Variants in CLEC2B observed in about 807,000 individuals in gnomAD.
CLEC2B encodes C-type (calcium dependent, carbohydrate-recognition domain) lectin, superfamily member 2 (activation-induced).
Under a neutral mutation model 16.2 loss-of-function variants are expected in CLEC2B, and 14 were observed. The ratio of observed to expected loss-of-function variants is 0.86; its 90% CI spans 0.57 to 1.35. The LOEUF (loss-of-function observed/expected upper bound fraction) is 1.35, where lower values mean the gene tolerates loss of function less well. Among genes scored for constraint, CLEC2B ranks in the 40% most tolerant of loss-of-function variants. CLEC2B has a pLI of 0.00. For synonymous variants in CLEC2B, 42 were observed against 55.8 expected (o/e 0.75, Z 1.10); for missense variants, 166 against 182.3 (o/e 0.91, Z 0.52).
chr12:9,858,711 T>G (rs995033662), intron 2 of CLEC2B, among the ~76,000 whole-genome samples: 7 of 151,906 alleles, frequency 4.6e-5, no homozygotes, highest in African/African-American at 1.7e-4. Flanking sequence ...TATATAGGTA[T>G]GTGTACATAT....
rs770427068 is a variant in CLEC2B at position 9,853,361 on chromosome 12, C to T, written c.389G>A (p.Gly130Asp). 6.8e-5 allele frequency: 110 copies of T among 1,613,960 alleles called. No individual in the cohort carries two copies. The highest frequency in any genetic ancestry group is 8.6e-5 in the Non-Finnish European group (102 of 1,179,986). ...GGTGTAACATCTAGCTGTTGCTGCA[C>T]CATCATCGCTGAGGTAGGCACATCC... ...SEGCAYLSDD[G>D]AATARCYTER... Residue 130 changes from glycine to aspartate, a missense_variant, in exon 5 of 5, where the codon GGT (glycine) becomes GAT (aspartate). Physicochemically the swap from Gly to Asp is moderately conservative, Grantham distance 94. Transcript: ENST00000228438.
At chr12:9,859,774 T>TA (rs1388721294) in intron 2 of CLEC2B, among the ~76,000 whole-genome samples, 3 of 151,830 alleles carry the variant, frequency 2.0e-5, no homozygotes, top group Non-Finnish European at 4.4e-5. Flanking sequence ...AGATCTTTTA[T>TA]GAAGACGTAG....
rs1867865620 is a variant in CLEC2B, at chr12:9,853,287, C to T, written c.*13G>A. The T allele has an allele frequency of 1.9e-6, 3 of 1,548,492 alleles. No homozygotes were observed. The highest frequency in any genetic ancestry group is 1.1e-5 in the South Asian group (1 of 89,652). On this transcript the variant is annotated 3_prime_UTR_variant, in exon 5 of 5. Transcript: ENST00000228438. Reference sequence around the variant, plus strand: ...TGTTATTTTCTATTTTCCCCATTATCTTAGACATTAACTTAGTGTATTCTT... The same window carrying T: ...TGTTATTTTCTATTTTCCCCATTATTTTAGACATTAACTTAGTGTATTCTT...
At chr12:9,862,632 AG>A in intron 1 of CLEC2B, 59 bp from the exon 2 acceptor site, 1 of 1,328,768 alleles carries the variant, frequency 7.5e-7, no homozygotes, top group Non-Finnish European at 9.8e-7. Context: ...ATGGCATAAA[AG>A]TAAGTTGGCT....
At chr12:9,865,638 G>A (rs533873357) in intron 1 of CLEC2B, among the ~76,000 whole-genome samples, 2 of 152,250 alleles carry the variant, frequency 1.3e-5, no homozygotes, top group Non-Finnish European at 2.9e-5. Flanking sequence ...GAATATTGGA[G>A]TTATACTGCA....
At chr12:9,863,273 C>G (rs920540733) in intron 1 of CLEC2B, among the ~76,000 whole-genome samples, 4 of 152,088 alleles carry the variant, frequency 2.6e-5, no homozygotes, top group African/African-American at 9.7e-5. Flanking sequence ...GAGGCCGAAA[C>G]CTAGCTGCCG....
Position 9,857,627 on chromosome 12 carries a change from A to G in CLEC2B, c.84T>C (p.Thr28=). 6.2e-7 allele frequency: 1 copy of G among 1,608,886 alleles called. No individual in the cohort carries two copies. The highest frequency in any genetic ancestry group is 8.5e-7 in the Non-Finnish European group (1 of 1,176,024). Residue 28 remains threonine (T), a synonymous_variant, in exon 3 of 5, where the codon ACT becomes ACC. Transcript: ENST00000228438. The part of the protein sequence containing the change: ...TNIITLIVKL[T]RDSQSLCPYD... ...AGGGGCATAAACTCTGAGAATCTCGAGTTAGTTTAACTGGAAATGAGACAA... is the reference window on the plus strand; with the variant it reads ...AGGGGCATAAACTCTGAGAATCTCGGGTTAGTTTAACTGGAAATGAGACAA...
rs1430416738 is a variant in CLEC2B, at chr12:9,854,280, G to A, written c.341+101C>T. ...AATCCCCCCTCCATCTTTCTAACAT[G>A]TGCAAAACTCTTGGGCTCTAGAGAA... On this transcript the variant is annotated intron_variant, in intron 4 of 4. Transcript: ENST00000228438. The A allele has an allele frequency of 1.7e-5, 12 of 687,960 alleles. No individual in the cohort carries two copies. In the South Asian group the frequency reaches 2.2e-4, roughly 13 times the overall value. 42.6% of individuals were successfully genotyped at this position (687,960 alleles called of 1,614,324 possible).
chr12:9,867,123 A>G (rs536737384), intron 1 of CLEC2B: 24 of 152,166 alleles, frequency 1.6e-4, no homozygotes, highest in Non-Finnish European at 2.9e-4. Context: ...GGTCATTTAT[A>G]TTGGAACATG....
At chr12:9,857,351 A>C in intron 3 of CLEC2B, 123 bp downstream of exon 3, 1 of 711,748 alleles carries the variant, frequency 1.4e-6, no homozygotes, top group Non-Finnish European at 2.3e-6. Flanking sequence ...CATACTCTGA[A>C]CATCTTCAAT....
At chr12:9,855,980 G>T (rs1465106178) in intron 3 of CLEC2B, among the ~76,000 whole-genome samples, 1 of 152,006 alleles carries the variant, frequency 6.6e-6, no homozygotes, top group Non-Finnish European at 1.5e-5. Context: ...AGTGTATGTA[G>T]TATATAATAG....
intron 3 of CLEC2B, 122 bp from the exon 4 acceptor site, chr12:9,854,606 AG>A: frequency 1.6e-6 from 1 of 616,626 alleles, no homozygotes; most frequent in East Asian, 3.0e-5. Flanking sequence ...TGGCCTCACT[AG>A]AAAATAGCTA....
intron 1 of CLEC2B, among the ~76,000 whole-genome samples, chr12:9,868,638 C>G (rs1488648427): frequency 6.6e-6 from 1 of 152,008 alleles, no homozygotes; most frequent in Non-Finnish European, 1.5e-5. Flanking sequence ...TTTAATAAAT[C>G]CAATGTTACC....
chr12:9,864,108 G>A (rs1290613349), intron 1 of CLEC2B, among the ~76,000 whole-genome samples: 3 of 150,242 alleles, frequency 2.0e-5, no homozygotes, highest in African/African-American at 7.4e-5. Flanking sequence ...GATGATAGAC[G>A]TCTCAGTGGA....
Position 9,857,626 on chromosome 12 carries a change from G to C in CLEC2B, c.85C>G (p.Arg29Gly), listed in dbSNP as rs771674688. 2.5e-6 allele frequency: 4 copies of C among 1,608,144 alleles called. No individual in the cohort carries two copies. The highest frequency in any genetic ancestry group is 1.3e-5 in the African/African-American group (1 of 74,806). The change falls in exon 3 of 5, where the codon CGA becomes GGA. Residue 29 changes from arginine to glycine, a missense_variant. By Grantham distance (125) the Arg-to-Gly change is moderately radical. Coordinates refer to ENST00000228438, the MANE Select transcript of CLEC2B (RefSeq NM_005127.3). ...TAGGGGCATAAACTCTGAGAATCTC[G>C]AGTTAGTTTAACTGGAAATGAGACA... ...NIITLIVKLT[R>G]DSQSLCPYDW... is the part of the protein sequence containing the mutation.
At chr12:9,858,654 A>C (rs1025463819) in intron 2 of CLEC2B, among the ~76,000 whole-genome samples, 3 of 151,930 alleles carry the variant, frequency 2.0e-5, no homozygotes, top group Non-Finnish European at 4.4e-5. Flanking sequence ...CCAAGAGTCT[A>C]TAGAAGATAA....
chr12:9,863,958 C>T (rs1409641981), intron 1 of CLEC2B, among the ~76,000 whole-genome samples: 1 of 151,956 alleles, frequency 6.6e-6, no homozygotes, highest in African/African-American at 2.4e-5. Flanking sequence ...GGTCAGAGAA[C>T]ACCAAACAGA....
chr12:9,859,144 C>A (rs1867915353), intron 2 of CLEC2B, among the ~76,000 whole-genome samples: 1 of 151,798 alleles, frequency 6.6e-6, no homozygotes, highest in African/African-American at 2.4e-5. Flanking sequence ...TCCCTTAAAG[C>A]TTACAGGAAA....
Position 9,862,564 on chromosome 12 carries a change from G to C in CLEC2B, c.8C>G (p.Thr3Ser). The change falls in exon 2 of 5, where the codon ACC (threonine) becomes AGC (serine). Residue 3 changes from threonine to serine, a missense_variant. Transcript: ENST00000228438. ...AATTATAAAACACTTTTTATGTTTG[G>C]TCATCATACCTGAAAAATAAAAATA... is the stretch of plus-strand genomic sequence containing the variant. MMTKHKKCFIIVG... is the reference protein window; with the variant it reads MMSKHKKCFIIVG... 6.8e-7 allele frequency: 1 copy of C among 1,475,476 alleles called. No individual in the cohort carries two copies. The highest frequency in any genetic ancestry group is 9.1e-7 in the Non-Finnish European group (1 of 1,097,152). The allele number at this position is 1,475,476 out of a possible 1,614,324, so 91.4% of individuals were successfully genotyped here.
Sources: gnomAD v4.1 joint callset for allele counts (sites outside exome capture counted in the v4.1 genomes callset) on GRCh38, gnomAD v4.1.1 for gene constraint, MANE v1.5 for transcripts, NCBI Gene and HGNC (gene_info 2026-07-23, HGNC 2026-07-21) for gene names.